CTNNAL1: variants seen among roughly 807,000 people sequenced by gnomAD.
CTNNAL1 encodes alpha-catulin.
Under a neutral mutation model 93.6 loss-of-function variants are expected in CTNNAL1, and 69 were observed. The ratio of observed to expected loss-of-function variants is 0.74; its 90% CI spans 0.61 to 0.90. CTNNAL1 has a LOEUF of 0.90. Ranked by LOEUF, CTNNAL1 falls within the 40% of genes least tolerant of loss-of-function variation. The pLI, the probability that CTNNAL1 is intolerant of heterozygous loss-of-function variation, is 0.00. For missense variants in CTNNAL1, 836 were observed against 862.0 expected (o/e 0.97, Z 0.38); for synonymous variants, 286 against 305.4 (o/e 0.94, Z 0.66).
rs183143677 is a variant in CTNNAL1 at position 108,989,957 on chromosome 9, A to G, written c.639+769T>C. Among the ~76,000 whole-genome samples the G allele has an allele frequency of 1.3e-4, 20 of 152,310 alleles. No homozygotes were observed. In the East Asian group the frequency reaches 3.7e-3, roughly 28 times the overall value. ...TCCCAGCTACTCGGGAGGCTGAGGC[A>G]TGAGAATCACTTGAACCCAGGAGGT... is the stretch of plus-strand genomic sequence containing the variant. On this transcript the variant is annotated intron_variant, in intron 4 of 18. Transcript: ENST00000325551.
chr9:108,972,859 G>GCCCCCCCC, intron 8 of CTNNAL1, 26 bp from the exon 9 acceptor site: 2 of 371,038 alleles, frequency 5.4e-6, no homozygotes, highest in Non-Finnish European at 1.0e-5. Flanking sequence ...TGGGTGGGGG[G>GCCCCCCCC]GTGGGAGGGT....
intron 3 of CTNNAL1, among the ~76,000 whole-genome samples, chr9:108,991,648 C>G (rs1056042111): frequency 1.3e-5 from 2 of 152,182 alleles, no homozygotes; most frequent in Non-Finnish European, 2.9e-5. Flanking sequence ...GCGACTAACA[C>G]TGATAAGGCA....
chr9:108,956,907 G>A (rs1013001638), intron 11 of CTNNAL1, among the ~76,000 whole-genome samples: 24 of 151,794 alleles, frequency 1.6e-4, no homozygotes, highest in Non-Finnish European at 1.5e-5. Context: ...AGATGTGTAA[G>A]TGTATTAAAC....
chr9:108,976,789 C>A (rs1831279756), intron 8 of CTNNAL1, among the ~76,000 whole-genome samples, 173 bp downstream of exon 8: 1 of 152,144 alleles, frequency 6.6e-6, no homozygotes, highest in Non-Finnish European at 1.5e-5. Context: ...ACCTTGGCCT[C>A]CCCACAGTGC....
chr9:108,972,864 G>GGGGGGGCCA, intron 8 of CTNNAL1, 31 bp from the exon 9 acceptor site: 1 of 142,586 alleles, frequency 7.0e-6, no homozygotes, highest in Non-Finnish European at 1.0e-5. Context: ...GGGGGGGTGG[G>GGGGGGGCCA]AGGGTGGAGA....
chr9:108,963,291 T>TG (rs1830867475), intron 11 of CTNNAL1, among the ~76,000 whole-genome samples: 2 of 152,316 alleles, frequency 1.3e-5, no homozygotes, highest in Middle Eastern at 3.4e-3. Flanking sequence ...CAGCCCGATT[T>TG]AGAAACTGCG....
intron 3 of CTNNAL1, chr9:108,991,893 G>T (rs41278369): frequency 0.011 from 7,012 of 609,788 alleles, 96 homozygotes; most frequent in South Asian, 0.031. Flanking sequence ...GATGATCATG[G>T]AGCATGACCA....
chr9:108,960,353 G>A (rs838830), intron 11 of CTNNAL1, among the ~76,000 whole-genome samples: 141,331 of 152,122 alleles, frequency 0.93, 65,757 homozygotes, highest in East Asian at 1. Flanking sequence ...ATAGACCATC[G>A]TCTCTTCTCT....
intron 6 of CTNNAL1, among the ~76,000 whole-genome samples, chr9:108,981,991 C>T (rs756538749): frequency 8.5e-5 from 13 of 152,094 alleles, no homozygotes; most frequent in Non-Finnish European, 1.9e-4. Flanking sequence ...TCATCATAGC[C>T]CTGTCTGTTA....
chr9:109,002,598 T>A (rs114759763), intron 1 of CTNNAL1, among the ~76,000 whole-genome samples: 222 of 152,284 alleles, frequency 1.5e-3, no homozygotes, highest in African/African-American at 5.0e-3. Flanking sequence ...ACCTGGTTTC[T>A]TTTTGCTGCT....
intron 6 of CTNNAL1, 60 bp from the exon 7 acceptor site, chr9:108,979,541 T>C: frequency 6.6e-7 from 1 of 1,516,224 alleles, no homozygotes; most frequent in Non-Finnish European, 9.0e-7. Flanking sequence ...CTGACCAAAA[T>C]GGGCTGTAAT....
intron 15 of CTNNAL1, among the ~76,000 whole-genome samples, chr9:108,944,457 C>T (rs1215382427): frequency 2.0e-5 from 3 of 152,202 alleles, no homozygotes; most frequent in Non-Finnish European, 4.4e-5. Flanking sequence ...CATACATATT[C>T]CATAACCAGA....
intron 14 of CTNNAL1, among the ~76,000 whole-genome samples, chr9:108,949,366 CTG>C (rs1425694075): frequency 6.6e-6 from 1 of 152,134 alleles, no homozygotes; most frequent in Non-Finnish European, 1.5e-5. Flanking sequence ...GCATGCCATC[CTG>C]AAATATTCTG....
At chr9:108,955,886 C>G (rs1830677899) in intron 11 of CTNNAL1, 59 bp from the exon 12 acceptor site, 5 of 1,080,380 alleles carry the variant, frequency 4.6e-6, no homozygotes, top group Non-Finnish European at 6.5e-6. Context: ...TTCTATTATT[C>G]ATAGTTAACT....
intron 14 of CTNNAL1, among the ~76,000 whole-genome samples, chr9:108,951,156 G>A (rs532735088): frequency 1.0e-3 from 156 of 149,108 alleles, no homozygotes; most frequent in African/African-American, 3.6e-3. Flanking sequence ...GATTACAGGC[G>A]CCCGCCACCA....
intron 1 of CTNNAL1, among the ~76,000 whole-genome samples, chr9:109,002,678 T>A (rs1402242343): frequency 2.0e-5 from 3 of 152,140 alleles, no homozygotes; most frequent in Non-Finnish European, 1.5e-5. Context: ...CAGAACTTGC[T>A]GGTTTTAAAA....
intron 15 of CTNNAL1, among the ~76,000 whole-genome samples, chr9:108,946,410 C>A (rs1161030010): frequency 6.6e-6 from 1 of 151,932 alleles, no homozygotes; most frequent in African/African-American, 2.4e-5. Flanking sequence ...TCTTCTGATA[C>A]ACCCAGCCCT....
At chr9:108,968,853 G>A (rs892549341) in intron 10 of CTNNAL1, among the ~76,000 whole-genome samples, 1 of 151,996 alleles carries the variant, frequency 6.6e-6, no homozygotes, top group East Asian at 1.9e-4. Flanking sequence ...CAAGTTAGGA[G>A]GAATCCTTTT....
Position 108,992,810 on chromosome 9 carries a change from A to G in CTNNAL1, c.341T>C (p.Ile114Thr). 1 of 1,606,610 alleles carries G rather than the reference A, an allele frequency of 6.2e-7. No individual in the cohort carries two copies. The highest frequency in any genetic ancestry group is 1.3e-5 in the African/African-American group (1 of 74,728). ...GTTGGTTATGTCTGTAAGTGCTGCA[A>G]TTGTTTCTCCTAACAAGAAAGACGA... is the stretch of plus-strand genomic sequence containing the variant. Reference protein sequence around the residue: ...CIEAKQAGETIAALTDITNLN... With the variant: ...CIEAKQAGETTAALTDITNLN... Residue 114 changes from isoleucine to threonine, a missense_variant, in exon 3 of 19, where the codon ATT becomes ACT. Coordinates refer to ENST00000325551, the MANE Select transcript of CTNNAL1 (RefSeq NM_003798.4).
Sources: allele counts gnomAD v4.1 joint callset (sites outside exome capture counted in the v4.1 genomes callset), GRCh38; gene constraint gnomAD v4.1.1; transcripts MANE v1.5; gene names NCBI Gene and HGNC (gene_info 2026-07-23, HGNC 2026-07-21).